The following KIF14 variants were observed in gnomAD, a reference collection of about 807,000 sequenced individuals.
The protein encoded by KIF14 is kinesin family member 14.
Under a neutral mutation model 176.2 loss-of-function variants are expected in KIF14, and 98 were observed. The observed-to-expected ratio is 0.56, with a 90% CI of 0.47 to 0.66. KIF14 has a LOEUF of 0.66. Ranked by LOEUF, KIF14 falls within the 30% of genes least tolerant of loss-of-function variation. The pLI, the probability that KIF14 is intolerant of heterozygous loss-of-function variation, is 0.00. For missense variants in KIF14, 1,751 were observed against 1,920.4 expected (o/e 0.91, Z 1.65); for synonymous variants, 566 against 632.2 (o/e 0.90, Z 1.57).
chr1:200,603,482 T>C, intron 9 of KIF14, 141 bp from the exon 10 acceptor site: 1 of 583,730 alleles, frequency 1.7e-6, no homozygotes, highest in Admixed American at 2.9e-5. Context: ...AGTCTCACTC[T>C]GTTGCCCAGG....
In KIF14 at chr1:200,593,674, A is replaced by T; in HGVS notation, c.2645T>A (p.Leu882Ter). 1 of 1,592,172 alleles carries T rather than the reference A, an allele frequency of 6.3e-7. No individual in the cohort carries two copies. Among genetic ancestry groups the T allele is most frequent in the Non-Finnish European group, 8.6e-7 (1 of 1,160,450 alleles). ...NGKHILEITV[L>*]RHGDRVILGG... ...TAGCACCCATCCACTTACATGACGT[A>T]ATACTGTGATTTCCAAAATATGTTT... Residue 882 changes from leucine to a stop codon, truncating the protein, a stop_gained, in exon 15 of 30, where the codon TTA (leucine) becomes TAA (stop). Coordinates refer to ENST00000367350, the MANE Select transcript of KIF14 (RefSeq NM_014875.3). LOFTEE classifies it high-confidence loss of function.
At chr1:200,569,262 T>C (rs1420991810) in intron 23 of KIF14, among the ~76,000 whole-genome samples, 1 of 152,176 alleles carries the variant, frequency 6.6e-6, no homozygotes, top group Non-Finnish European at 1.5e-5. Context: ...TTATTACAGG[T>C]AGTTACACAT....
At chr1:200,563,076 A>G (rs929856775) in intron 25 of KIF14, among the ~76,000 whole-genome samples, 1 of 152,226 alleles carries the variant, frequency 6.6e-6, no homozygotes, top group African/African-American at 2.4e-5. Context: ...GGAGACCTAG[A>G]AAATCCTCCT....
At chr1:200,605,518 AAG>A (rs1285366934) in intron 7 of KIF14, 128 bp from the exon 8 acceptor site, 5 of 574,340 alleles carry the variant, frequency 8.7e-6, no homozygotes, top group Middle Eastern at 3.8e-4. Context: ...TATAAAAATT[AAG>A]AGAGATAACA....
chr1:200,590,001 G>T, intron 17 of KIF14, 124 bp downstream of exon 17: 4 of 985,652 alleles, frequency 4.1e-6, no homozygotes, highest in South Asian at 1.7e-5. Flanking sequence ...ACTCACTGTG[G>T]CTTTGATTCA....
At chr1:200,619,643 G>A (rs563416228) in intron 1 of KIF14, among the ~76,000 whole-genome samples, 1 of 152,342 alleles carries the variant, frequency 6.6e-6, no homozygotes, top group South Asian at 2.1e-4. Flanking sequence ...GAGCCACCGC[G>A]TCCGGCCCAT....
At chr1:200,572,536 G>T (rs1657859717) in intron 22 of KIF14, among the ~76,000 whole-genome samples, 1 of 151,992 alleles carries the variant, frequency 6.6e-6, no homozygotes, top group South Asian at 2.1e-4. Context: ...GTAGAGACGG[G>T]GTTTCACCGT....
chr1:200,612,316 A>T (rs1660197791), intron 4 of KIF14, among the ~76,000 whole-genome samples: 1 of 152,152 alleles, frequency 6.6e-6, no homozygotes, highest in Non-Finnish European at 1.5e-5. Context: ...CAGGCTCTTA[A>T]GCATTCATTA....
chr1:200,617,357 T>A (rs1182154884), intron 2 of KIF14, among the ~76,000 whole-genome samples: 1 of 152,256 alleles, frequency 6.6e-6, no homozygotes, highest in Non-Finnish European at 1.5e-5. Flanking sequence ...AAGTGACTTA[T>A]TCAGACTTTT....
intron 10 of KIF14, among the ~76,000 whole-genome samples, chr1:200,602,864 T>C (rs992230372): frequency 6.6e-6 from 1 of 152,238 alleles, no homozygotes; most frequent in African/African-American, 2.4e-5. Context: ...TAGTACCATA[T>C]ATGTTCAAAC....
rs1004954857 is a variant in KIF14, at chr1:200,552,366, A to C, written c.*1022T>G. 2.0e-5 allele frequency: 3 copies of C among 152,074 alleles called. No homozygotes were observed. Among genetic ancestry groups the C allele is most frequent in the African/African-American group, 7.2e-5 (3 of 41,424 alleles). The allele number at this position is 152,074 out of a possible 1,614,324, so 9.4% of individuals were successfully genotyped here. On this transcript the variant is annotated 3_prime_UTR_variant, in exon 30 of 30. Coordinates refer to ENST00000367350, the MANE Select transcript of KIF14 (RefSeq NM_014875.3). Reference sequence around the variant, plus strand: ...TTTTTTTTTAAAGCTGTGGAAAATAAGGGTCTTTAATCTTCATCAAATCAT... The same window carrying C: ...TTTTTTTTTAAAGCTGTGGAAAATACGGGTCTTTAATCTTCATCAAATCAT...
At position 200,618,816 on chromosome 1, in the gene KIF14, C is replaced by A; in HGVS notation, c.-93G>T. ...GATTTCCAGCCATTTCTTATGTATCCATTTCTGAAAGTATCTGCTAAACTA... is the reference window on the plus strand; with the variant it reads ...GATTTCCAGCCATTTCTTATGTATCAATTTCTGAAAGTATCTGCTAAACTA... On this transcript the variant is annotated 5_prime_UTR_variant, in exon 2 of 30. An upstream start codon of the reference 5' UTR is lost. Coordinates refer to ENST00000367350, the MANE Select transcript of KIF14 (RefSeq NM_014875.3). The A allele has an allele frequency of 9.4e-7, 1 of 1,059,752 alleles. No individual in the cohort carries two copies. Among genetic ancestry groups the A allele is most frequent in the Non-Finnish European group, 1.4e-6 (1 of 740,618 alleles). The allele number at this position is 1,059,752 out of a possible 1,614,324, so 65.6% of individuals were successfully genotyped here.
At chr1:200,565,375 C>T (rs2102591758) in intron 24 of KIF14, 70 bp downstream of exon 24, 1 of 1,439,150 alleles carries the variant, frequency 6.9e-7, no homozygotes, top group Non-Finnish European at 9.4e-7. Context: ...CAAATAATCA[C>T]TCAAAACAAA....
intron 26 of KIF14, 41 bp downstream of exon 26, chr1:200,560,681 C>A: frequency 6.3e-7 from 1 of 1,598,108 alleles, no homozygotes; most frequent in South Asian, 1.1e-5. Context: ...GTCTAATGTT[C>A]CCTCAGATGA....
Position 200,603,876 on chromosome 1 carries a change from C to T in KIF14, c.1826G>A (p.Arg609His), listed in dbSNP as rs149832670. The T allele has an allele frequency of 8.7e-6, 14 of 1,612,344 alleles. No individual in the cohort carries two copies. The highest frequency in any genetic ancestry group is 6.7e-5 in the East Asian group (3 of 44,884). Reference sequence around the variant, plus strand: ...TCCATTAGTGTGAGCCGTAGAGCAGCGCTCACTGCCTGCCAGATCTATTAG... The same window carrying T: ...TCCATTAGTGTGAGCCGTAGAGCAGTGCTCACTGCCTGCCAGATCTATTAG... ...INLIDLAGSE[R>H]CSTAHTNGDR... Residue 609 changes from arginine to histidine, a missense_variant, in exon 9 of 30, where the codon CGC becomes CAC. By Grantham distance (29) the Arg-to-His change is conservative (BLOSUM62 0). Coordinates refer to ENST00000367350, the MANE Select transcript of KIF14 (RefSeq NM_014875.3).
At chr1:200,578,270 ATTTTG>A (rs1213470770) in intron 21 of KIF14, among the ~76,000 whole-genome samples, 1 of 151,622 alleles carries the variant, frequency 6.6e-6, no homozygotes, top group African/African-American at 2.4e-5. Context: ...CCTTTGTTTT[ATTTTG>A]TTTTTATTTT....
At position 200,598,245 on chromosome 1, in the gene KIF14, A is replaced by G. The variant is rs747338641; in HGVS notation, c.2541T>C (p.Asp847=). The G allele has an allele frequency of 2.5e-6, 4 of 1,611,626 alleles. No homozygotes were observed. The African/African-American group carries it at 5.3e-5, about 22-fold the overall frequency. The change falls in exon 14 of 30, where the codon GAT becomes GAC. Residue 847 remains aspartate, a synonymous_variant. Coordinates refer to ENST00000367350, the MANE Select transcript of KIF14 (RefSeq NM_014875.3). ...DIQLSGVLIA[D]DHCTIKNFGG... Reference sequence around the variant, plus strand: ...TTAGAGGATTAACATACCAATGATCATCAGCAATCAGCACCCCAGATAACT... The same window carrying G: ...TTAGAGGATTAACATACCAATGATCGTCAGCAATCAGCACCCCAGATAACT...
intron 26 of KIF14, 129 bp from the exon 27 acceptor site, chr1:200,559,581 T>C: frequency 2.3e-6 from 1 of 432,752 alleles, no homozygotes; most frequent in Non-Finnish European, 3.9e-6. Flanking sequence ...TTTAGGACTA[T>C]AATACATCCC....
At position 200,569,979 on chromosome 1, in the gene KIF14, C is replaced by T. The variant is rs760341529; in HGVS notation, c.3593G>A (p.Arg1198Lys). Residue 1198 changes from arginine (R) to lysine (K), a missense_variant, in exon 23 of 30, where the codon AGA (arginine) becomes AAA (lysine). By Grantham distance (26) the Arg-to-Lys change is conservative (BLOSUM62 2). Transcript: ENST00000367350. ...TATGTCATGTAAACAACCAGAAATT[C>T]TTCTGTTCTTCATCAAACTCCTACT... Reference protein sequence around the residue: ...RRSRSLMKNRRISGCLHDIQV... With the variant: ...RRSRSLMKNRKISGCLHDIQV... 2.7e-5 allele frequency: 43 copies of T among 1,600,786 alleles called. No homozygotes were observed. Among genetic ancestry groups the T allele is most frequent in the Non-Finnish European group, 3.5e-5 (41 of 1,170,646 alleles).
Sources: allele counts gnomAD v4.1 joint callset (sites outside exome capture counted in the v4.1 genomes callset), GRCh38; gene constraint gnomAD v4.1.1; transcripts MANE v1.5; gene names NCBI Gene and HGNC (gene_info 2026-07-23, HGNC 2026-07-21).